Variants in TMEM178B observed in about 807,000 individuals in gnomAD.
The protein encoded by TMEM178B is transmembrane protein 178B.
In TMEM178B, 5 loss-of-function variants were observed where a neutral mutation model predicts 31.0. That is an observed-to-expected ratio of 0.16 (90% CI 0.08 to 0.34). The LOEUF (loss-of-function observed/expected upper bound fraction) is 0.34, where lower values mean the gene tolerates loss of function less well. Among genes scored for constraint, TMEM178B ranks in the 10% least tolerant of loss-of-function variants. TMEM178B has a pLI of 1.00. For synonymous variants in TMEM178B, 164 were observed against 164.0 expected (o/e 1.00, Z 0.00); for missense variants, 275 against 400.3 (o/e 0.69, Z 2.67).
At chr7:141,192,891 A>C (rs1252449546) in intron 1 of TMEM178B, among the ~76,000 whole-genome samples, 1 of 152,226 alleles carries the variant, frequency 6.6e-6, no homozygotes, top group Non-Finnish European at 1.5e-5. Flanking sequence ...TGAAGTCCTA[A>C]TTCCCAGGGG....
chr7:141,222,346 G>A (rs934977349), intron 2 of TMEM178B, among the ~76,000 whole-genome samples: 19 of 152,234 alleles, frequency 1.2e-4, no homozygotes, highest in African/African-American at 4.6e-4. Context: ...CAGGATTCAA[G>A]CCCCATGGAG....
chr7:141,240,156 A>C (rs1797596218), intron 2 of TMEM178B, among the ~76,000 whole-genome samples: 1 of 152,156 alleles, frequency 6.6e-6, no homozygotes, highest in Non-Finnish European at 1.5e-5. Context: ...TGCAGTAGCC[A>C]TGTGTGGGTA....
chr7:141,265,615 T>C (rs1798083709), intron 2 of TMEM178B, among the ~76,000 whole-genome samples: 1 of 152,124 alleles, frequency 6.6e-6, no homozygotes, highest in South Asian at 2.1e-4. Flanking sequence ...TTAGTGAATA[T>C]TGCTGGATAA....
chr7:141,283,817 T>G (rs1044486547), intron 2 of TMEM178B, among the ~76,000 whole-genome samples: 1 of 152,218 alleles, frequency 6.6e-6, no homozygotes, highest in African/African-American at 2.4e-5. Flanking sequence ...TGAAAAAATT[T>G]CTAGTGCTAG....
intron 1 of TMEM178B, among the ~76,000 whole-genome samples, chr7:141,085,373 G>C (rs1794763584): frequency 6.6e-6 from 1 of 151,984 alleles, no homozygotes; most frequent in Admixed American, 6.6e-5. Flanking sequence ...ATCTACAGGT[G>C]ATGTTTCCTC....
At chr7:141,317,892 G>T (rs1450362061) in intron 2 of TMEM178B, among the ~76,000 whole-genome samples, 1 of 152,084 alleles carries the variant, frequency 6.6e-6, no homozygotes, top group East Asian at 1.9e-4. Flanking sequence ...GTTGCCTAGA[G>T]GTATCAAAAG....
chr7:141,180,463 C>CAAAAAAAAAA (rs57969132), intron 1 of TMEM178B, among the ~76,000 whole-genome samples: 2 of 83,302 alleles, frequency 2.4e-5, no homozygotes, highest in Non-Finnish European at 4.7e-5. Flanking sequence ...GAGCCCATCT[C>CAAAAAAAAAA]AAAAAAAAAA....
intron 3 of TMEM178B, among the ~76,000 whole-genome samples, chr7:141,453,499 A>G (rs1300629478): frequency 6.6e-6 from 1 of 152,254 alleles, no homozygotes; most frequent in Non-Finnish European, 1.5e-5. Context: ...GTTAATATCT[A>G]AGACACTCAA....
At chr7:141,243,985 G>A (rs1401062696) in intron 2 of TMEM178B, among the ~76,000 whole-genome samples, 1 of 152,180 alleles carries the variant, frequency 6.6e-6, no homozygotes, top group African/African-American at 2.4e-5. Flanking sequence ...TTCCACTAGA[G>A]CTGGTAGAAG....
At chr7:141,437,094 AG>A (rs1243255327) in intron 2 of TMEM178B, among the ~76,000 whole-genome samples, 2 of 152,160 alleles carry the variant, frequency 1.3e-5, no homozygotes, top group Non-Finnish European at 2.9e-5. Flanking sequence ...TAGTGAGACC[AG>A]GAGAGCCTGG....
At chr7:141,390,564 A>G (rs1800516164) in intron 2 of TMEM178B, among the ~76,000 whole-genome samples, 2 of 152,336 alleles carry the variant, frequency 1.3e-5, no homozygotes, top group South Asian at 4.1e-4. Context: ...GGGTTTGAAG[A>G]ACGCATGTCA....
chr7:141,413,949 C>CT (rs1189570323), intron 2 of TMEM178B, among the ~76,000 whole-genome samples: 6 of 151,942 alleles, frequency 3.9e-5, no homozygotes, highest in Non-Finnish European at 8.8e-5. Context: ...TCCTTTTGGT[C>CT]TTTTTTTCTT....
At chr7:141,339,383 C>G (rs10251232) in intron 2 of TMEM178B, among the ~76,000 whole-genome samples, 150,154 of 152,292 alleles carry the variant, frequency 0.99, 74,030 homozygotes, top group East Asian at 1. Context: ...ATGTGGAGCT[C>G]AGCAGTTGGG....
At chr7:141,282,713 A>T (rs1798386190) in intron 2 of TMEM178B, among the ~76,000 whole-genome samples, 1 of 152,238 alleles carries the variant, frequency 6.6e-6, no homozygotes, top group Admixed American at 6.5e-5. Flanking sequence ...ATTCAAACAT[A>T]CTTGTGAATG....
At chr7:141,184,047 T>G (rs184278681) in intron 1 of TMEM178B, among the ~76,000 whole-genome samples, 1 of 152,304 alleles carries the variant, frequency 6.6e-6, no homozygotes, top group Admixed American at 6.5e-5. Flanking sequence ...GAGACATTCT[T>G]TGTGAGTTTT....
At chr7:141,462,074 G>A (rs1052205407) in intron 3 of TMEM178B, among the ~76,000 whole-genome samples, 7 of 152,236 alleles carry the variant, frequency 4.6e-5, no homozygotes, top group Non-Finnish European at 8.8e-5. Flanking sequence ...CACTGATGTC[G>A]TCACTACAAC....
intron 2 of TMEM178B, among the ~76,000 whole-genome samples, chr7:141,301,240 C>A (rs1042790876): frequency 1.2e-4 from 18 of 152,192 alleles, no homozygotes; most frequent in African/African-American, 4.1e-4. Flanking sequence ...CAATATGCTT[C>A]TGTTACGTTT....
At chr7:141,384,623 G>T (rs1321735990) in intron 2 of TMEM178B, among the ~76,000 whole-genome samples, 2 of 152,202 alleles carry the variant, frequency 1.3e-5, no homozygotes, top group African/African-American at 4.8e-5. Flanking sequence ...CTGTAGCCTT[G>T]CAGTACAGTT....
chr7:141,133,881 A>G (rs147443881), intron 1 of TMEM178B, among the ~76,000 whole-genome samples: 132 of 152,314 alleles, frequency 8.7e-4, no homozygotes, highest in Middle Eastern at 3.4e-3. Flanking sequence ...CAGACTAACA[A>G]AAGATTTCTC....
Sources: allele counts gnomAD v4.1 joint callset (sites outside exome capture counted in the v4.1 genomes callset), GRCh38; gene constraint gnomAD v4.1.1; transcripts MANE v1.5; gene names NCBI Gene and HGNC (gene_info 2026-07-23, HGNC 2026-07-21).